PCDH15: variants seen among roughly 807,000 people sequenced by gnomAD.
PCDH15 encodes the protein protocadherin-15.
Under a neutral mutation model 178.5 loss-of-function variants are expected in PCDH15, and 129 were observed. The observed-to-expected ratio is 0.72, with a 90% CI of 0.63 to 0.84. The LOEUF (loss-of-function observed/expected upper bound fraction) is 0.84. Among genes scored for constraint, PCDH15 ranks in the 40% least tolerant of loss-of-function variants. The probability of loss-of-function intolerance (pLI) is 0.00; values close to 1 mark genes in which losing one functional copy is unlikely to be tolerated. For synonymous variants in PCDH15, 800 were observed against 732.0 expected, an observed-to-expected ratio of 1.09 and a Z score of -1.50; for missense variants, 2,230 against 2,099.9, an observed-to-expected ratio of 1.06 and a Z score of -1.21.
intron 2 of PCDH15, among the ~76,000 whole-genome samples, chr10:55,484,810 G>A (rs1240741754): frequency 6.6e-6 from 1 of 151,664 alleles, no homozygotes; most frequent in South Asian, 2.1e-4. Context: ...AATAAATTGT[G>A]CTTGGAAAAT....
At chr10:55,570,609 T>C (rs946887586) in intron 2 of PCDH15, among the ~76,000 whole-genome samples, 1 of 152,004 alleles carries the variant, frequency 6.6e-6, no homozygotes, top group South Asian at 2.1e-4. Context: ...TATATATGAC[T>C]TTTAAGAATG....
chr10:55,416,312 C>T (rs1170594923), intron 2 of PCDH15, among the ~76,000 whole-genome samples: 1 of 151,686 alleles, frequency 6.6e-6, no homozygotes, highest in Non-Finnish European at 1.5e-5. Context: ...TTATAGTTAG[C>T]CTCAATTCAG....
intron 2 of PCDH15, among the ~76,000 whole-genome samples, chr10:54,616,638 T>C (rs911290702): frequency 2.0e-5 from 3 of 152,062 alleles, no homozygotes; most frequent in Admixed American, 6.6e-5. Flanking sequence ...ACAAAGTACA[T>C]GTTGAGAATT....
intron 3 of PCDH15, among the ~76,000 whole-genome samples, chr10:54,483,688 A>G (rs1051762036): frequency 6.6e-6 from 1 of 151,350 alleles, no homozygotes; most frequent in African/African-American, 2.4e-5. Flanking sequence ...TACTTTGTCC[A>G]CTCCATTTTT....
chr10:55,108,546 T>G (rs938908566), intron 2 of PCDH15, among the ~76,000 whole-genome samples: 5 of 152,112 alleles, frequency 3.3e-5, no homozygotes, highest in African/African-American at 1.2e-4. Flanking sequence ...GTGAATAGTA[T>G]TATGGTGTGT....
At chr10:54,545,263 G>T (rs1458809595) in intron 2 of PCDH15, among the ~76,000 whole-genome samples, 1 of 152,134 alleles carries the variant, frequency 6.6e-6, no homozygotes, top group Non-Finnish European at 1.5e-5. Context: ...CTTTGTTGCA[G>T]ATTGTACTAA....
chr10:55,616,673 G>C (rs1455285553), intron 2 of PCDH15, among the ~76,000 whole-genome samples: 3 of 152,114 alleles, frequency 2.0e-5, no homozygotes, highest in Non-Finnish European at 4.4e-5. Flanking sequence ...ATATGTGGCA[G>C]TGACATATTG....
At chr10:54,190,028 C>A (rs558036303) in intron 11 of PCDH15, among the ~76,000 whole-genome samples, 2 of 150,334 alleles carry the variant, frequency 1.3e-5, no homozygotes, top group Non-Finnish European at 3.0e-5. Context: ...CTTTTCCTTT[C>A]TTTTCAGTAT....
At chr10:53,831,014 C>A in intron 30 of PCDH15, 1 of 534,150 alleles carries the variant, frequency 1.9e-6, no homozygotes, top group Non-Finnish European at 3.5e-6. Context: ...CCTTCTCTCC[C>A]AAGTTGGCTC....
At chr10:54,013,319 A>G (rs1013332747) in intron 20 of PCDH15, among the ~76,000 whole-genome samples, 24 of 152,212 alleles carry the variant, frequency 1.6e-4, no homozygotes, top group African/African-American at 5.8e-4. Flanking sequence ...GGACATTTCA[A>G]TACCCCATGG....
At chr10:54,146,854 C>T (rs1036072726) in intron 14 of PCDH15, among the ~76,000 whole-genome samples, 7 of 144,590 alleles carry the variant, frequency 4.8e-5, no homozygotes, top group Non-Finnish European at 7.5e-5. Context: ...CTGGCTGGGT[C>T]GATCTGTAAA....
intron 2 of PCDH15, among the ~76,000 whole-genome samples, chr10:55,620,631 A>G (rs1250327480): frequency 6.6e-6 from 1 of 151,936 alleles, no homozygotes; most frequent in African/African-American, 2.4e-5. Context: ...GCACCCTAAA[A>G]ATTTTCAATT....
chr10:54,970,200 A>G (rs1838896885), intron 2 of PCDH15, among the ~76,000 whole-genome samples: 1 of 152,194 alleles, frequency 6.6e-6, no homozygotes, highest in African/African-American at 2.4e-5. Flanking sequence ...TTTATCTTGG[A>G]TGTTCAGCCT....
chr10:54,828,442 A>G (rs188247560), intron 3 of PCDH15, among the ~76,000 whole-genome samples: 176 of 151,898 alleles, frequency 1.2e-3, no homozygotes, highest in Non-Finnish European at 2.0e-3. Flanking sequence ...CTGCTTAACT[A>G]CTTCCCTAAA....
At chr10:54,902,979 A>G (rs1398283727) in intron 2 of PCDH15, among the ~76,000 whole-genome samples, 1 of 152,168 alleles carries the variant, frequency 6.6e-6, no homozygotes, top group Non-Finnish European at 1.5e-5. Flanking sequence ...ATCACAATGT[A>G]TATAATATGG....
intron 31 of PCDH15, 99 bp from the exon 32 acceptor site, chr10:53,827,647 C>A: frequency 2.2e-6 from 3 of 1,378,940 alleles, no homozygotes; most frequent in East Asian, 2.4e-5. Context: ...ATCAGGGGAA[C>A]CCACTAAAAT....
At chr10:55,417,210 G>A (rs1380165676) in intron 2 of PCDH15, among the ~76,000 whole-genome samples, 1 of 151,726 alleles carries the variant, frequency 6.6e-6, no homozygotes, top group Admixed American at 6.6e-5. Flanking sequence ...CGCTGTGTTA[G>A]CACTGAAACT....
chr10:54,731,196 A>G (rs1393817779), intron 1 of PCDH15, among the ~76,000 whole-genome samples: 1 of 151,216 alleles, frequency 6.6e-6, no homozygotes, highest in East Asian at 2.0e-4. Context: ...GTGAAATACA[A>G]CTCAAAAGTG....
At chr10:54,338,660 A>G (rs1164418009) in intron 6 of PCDH15, among the ~76,000 whole-genome samples, 1 of 152,194 alleles carries the variant, frequency 6.6e-6, no homozygotes, top group Admixed American at 6.5e-5. Context: ...ACACCACTGT[A>G]ATACCTCAAA....
Sources: allele counts gnomAD v4.1 joint callset (sites outside exome capture counted in the v4.1 genomes callset), GRCh38; gene constraint gnomAD v4.1.1; transcripts MANE v1.5; gene names NCBI Gene and HGNC (gene_info 2026-07-23, HGNC 2026-07-21).